PLAC1: variants seen among roughly 807,000 people sequenced by gnomAD.
PLAC1 encodes the protein placenta-specific protein 1.
For synonymous variants in PLAC1, 68 were observed against 62.1 expected (o/e 1.09, Z -0.44); for missense variants, 136 against 163.2 (o/e 0.83, Z 0.91).
chrX:134,646,181 G>A (rs2078332587), intron 1 of PLAC1, among the ~76,000 whole-genome samples: 1 of 112,001 alleles, frequency 8.9e-6, no homozygotes, highest in African/African-American at 3.2e-5. Context: ...AGCAGTAGGA[G>A]CTCTTTGGTG....
chrX:134,571,790 G>A (rs757652409), intron 2 of PLAC1, among the ~76,000 whole-genome samples: 6 of 111,590 alleles, frequency 5.4e-5, no homozygotes, highest in African/African-American at 1.6e-4. Flanking sequence ...CTCTGATGTC[G>A]TTAGAGACAC....
intron 2 of PLAC1, among the ~76,000 whole-genome samples, chrX:134,722,041 A>T (rs1270405093): frequency 9.0e-6 from 1 of 110,889 alleles, no homozygotes; most frequent in Non-Finnish European, 1.9e-5. Context: ...TGACCCAGTA[A>T]GAGAAACGAA....
chrX:134,654,304 G>A (rs913218737), intron 1 of PLAC1, among the ~76,000 whole-genome samples: 1 of 112,159 alleles, frequency 8.9e-6, no homozygotes, highest in Non-Finnish European at 1.9e-5. Flanking sequence ...CTCCAACTGC[G>A]TATGGCAGCA....
chrX:134,757,046 A>T (rs2147853835), intron 1 of PLAC1, among the ~76,000 whole-genome samples: 1 of 112,142 alleles, frequency 8.9e-6, no homozygotes, highest in African/African-American at 3.2e-5. Flanking sequence ...GATAGCTAAT[A>T]AATGTGGAAG....
At chrX:134,691,384 C>T (rs1476492515) in intron 2 of PLAC1, among the ~76,000 whole-genome samples, 2 of 110,845 alleles carry the variant, frequency 1.8e-5, no homozygotes, top group East Asian at 2.9e-4. Flanking sequence ...CAATGACTTC[C>T]GAGCAGGGCA....
At chrX:134,617,991 AG>A (rs1368017262) in intron 1 of PLAC1, among the ~76,000 whole-genome samples, 2 of 112,018 alleles carry the variant, frequency 1.8e-5, no homozygotes, top group Non-Finnish European at 3.8e-5. Context: ...AAATGAGAAC[AG>A]GGATGGGAAG....
intron 2 of PLAC1, among the ~76,000 whole-genome samples, chrX:134,708,534 C>CTTTT (rs758488220): frequency 1.3e-3 from 97 of 73,596 alleles, no homozygotes; most frequent in African/African-American, 2.5e-3. Flanking sequence ...CATTCTGTAT[C>CTTTT]TTTTTTTTTT....
intron 1 of PLAC1, among the ~76,000 whole-genome samples, chrX:134,637,146 G>A (rs908700268): frequency 8.9e-6 from 1 of 111,978 alleles, no homozygotes; most frequent in African/African-American, 3.2e-5. Context: ...TCAATTTCAG[G>A]CAACCCAGCG....
At chrX:134,701,728 C>T (rs1410056320) in intron 2 of PLAC1, among the ~76,000 whole-genome samples, 1 of 112,120 alleles carries the variant, frequency 8.9e-6, no homozygotes, top group African/African-American at 3.2e-5. Context: ...AAATCAAAAC[C>T]ACAATGAGAC....
chrX:134,660,168 G>A (rs894896069), upstream of PLAC1, among the ~76,000 whole-genome samples: 5 of 108,873 alleles, frequency 4.6e-5, no homozygotes, highest in Admixed American at 2.0e-4. Context: ...GCAATGGTGC[G>A]ATCTCAGCTC....
At chrX:134,717,796 T>A (rs1243286960) in intron 2 of PLAC1, among the ~76,000 whole-genome samples, 1 of 112,697 alleles carries the variant, frequency 8.9e-6, no homozygotes, top group East Asian at 2.8e-4. Flanking sequence ...TAGTCCTTAG[T>A]GGAGTCTTTG....
At chrX:134,589,808 C>G (rs1254923751) in intron 2 of PLAC1, among the ~76,000 whole-genome samples, 2 of 110,445 alleles carry the variant, frequency 1.8e-5, no homozygotes, top group Non-Finnish European at 3.8e-5. Context: ...TCCATGTAGT[C>G]AAACAGTACT....
At chrX:134,634,099 T>C (rs2078272992) in intron 1 of PLAC1, among the ~76,000 whole-genome samples, 1 of 111,975 alleles carries the variant, frequency 8.9e-6, no homozygotes, top group South Asian at 3.8e-4. Context: ...TCAATTATTA[T>C]TGGACTCTGT....
chrX:134,669,965 G>A (rs755863108), intron 2 of PLAC1, among the ~76,000 whole-genome samples: 1 of 112,158 alleles, frequency 8.9e-6, no homozygotes, highest in African/African-American at 3.2e-5. Context: ...AAATGCCGAG[G>A]TGATGAGGAT....
At chrX:134,649,902 C>A (rs989337092) in intron 1 of PLAC1, among the ~76,000 whole-genome samples, 2 of 111,763 alleles carry the variant, frequency 1.8e-5, no homozygotes. Flanking sequence ...TCCTGTCTCC[C>A]GCCCCGGGGG....
chrX:134,613,264 A>T (rs776584548), intron 1 of PLAC1, among the ~76,000 whole-genome samples: 1 of 111,527 alleles, frequency 9.0e-6, no homozygotes, highest in East Asian at 2.8e-4. Context: ...TCATGCTAAA[A>T]TGTCAACAGA....
chrX:134,596,390 T>C (rs73566611), intron 2 of PLAC1, among the ~76,000 whole-genome samples: 8,417 of 111,601 alleles, frequency 0.075, 821 homozygotes, highest in African/African-American at 0.26. Context: ...GTAGCTCTGA[T>C]GGAGACAGGT....
At chrX:134,585,353 C>CT (rs1017966538) in intron 2 of PLAC1, among the ~76,000 whole-genome samples, 31 of 104,725 alleles carry the variant, frequency 3.0e-4, no homozygotes, top group Non-Finnish European at 3.8e-4. Flanking sequence ...TCTCAAAAAA[C>CT]TTTTTTTTTT....
At chrX:134,575,283 C>A (rs761493571) in intron 2 of PLAC1, among the ~76,000 whole-genome samples, 2 of 111,185 alleles carry the variant, frequency 1.8e-5, no homozygotes, top group South Asian at 7.7e-4. Context: ...TCTGGACTTT[C>A]TATATAACGA....
Sources: gnomAD v4.1 joint callset for allele counts (sites outside exome capture counted in the v4.1 genomes callset) on GRCh38, gnomAD v4.1.1 for gene constraint, MANE v1.5 for transcripts, NCBI Gene and HGNC (gene_info 2026-07-23, HGNC 2026-07-21) for gene names.